SYT14: variants seen among roughly 807,000 people sequenced by gnomAD.
SYT14 encodes synaptotagmin-14.
SYT14 carries 32 observed loss-of-function variants against 74.2 expected under a neutral mutation model. The ratio of observed to expected loss-of-function variants is 0.43; its 90% CI spans 0.33 to 0.58. The LOEUF is 0.58. SYT14 is among the 20% of genes least tolerant of loss of function. SYT14 has a pLI of 0.05. For synonymous variants in SYT14, 298 were observed against 337.7 expected (o/e 0.88, Z 1.29); for missense variants, 791 against 981.8 (o/e 0.81, Z 2.60).
chr1:210,018,157 CAG>C (rs2080225178), intron 4 of SYT14, among the ~76,000 whole-genome samples: 3 of 152,140 alleles, frequency 2.0e-5, no homozygotes, highest in Admixed American at 2.0e-4. Context: ...TGTTTTGAGA[CAG>C]AGTCTTGCGC....
intron 4 of SYT14, 41 bp from the exon 4 acceptor site, chr1:210,020,998 T>TC (rs2080289804): frequency 6.3e-7 from 1 of 1,590,818 alleles, no homozygotes; most frequent in Admixed American, 1.7e-5. Flanking sequence ...GAGGGAATTT[T>TC]TTTTTCAATT....
intron 2 of SYT14, among the ~76,000 whole-genome samples, chr1:209,965,439 T>A (rs1026752563): frequency 6.6e-6 from 1 of 152,230 alleles, no homozygotes; most frequent in Non-Finnish European, 1.5e-5. Flanking sequence ...ATGTACCACG[T>A]TTTCTTTATC....
chr1:209,943,138 T>C (rs2078763544), intron 1 of SYT14, among the ~76,000 whole-genome samples: 1 of 152,210 alleles, frequency 6.6e-6, no homozygotes, highest in Non-Finnish European at 1.5e-5. Flanking sequence ...TAATTTACAG[T>C]TTATTCAAGG....
At chr1:210,147,708 G>A (rs2083069967) in intron 7 of SYT14, among the ~76,000 whole-genome samples, 2 of 152,124 alleles carry the variant, frequency 1.3e-5, no homozygotes, top group South Asian at 4.1e-4. Flanking sequence ...ATAAGTATAG[G>A]GTATGTGAGA....
In SYT14 at chr1:210,021,934, C is replaced by A. The variant is rs777132712; in HGVS notation, c.1312+680C>A. Among the ~76,000 whole-genome samples the A allele has an allele frequency of 2.0e-5, 3 of 152,120 alleles. No homozygotes were observed. In the East Asian group the frequency reaches 5.8e-4, roughly 29 times the overall value. The stretch of plus-strand genomic sequence containing the variant: ...GTCAGTCCACTTATTCATGTTTTTA[C>A]GTCTTTCTGTGACATAAATAAGACA... On this transcript the variant is annotated intron_variant, in intron 5 of 9. Transcript: ENST00000637265.
intron 2 of SYT14, among the ~76,000 whole-genome samples, chr1:210,012,081 C>T (rs1298658366): frequency 2.6e-5 from 4 of 152,098 alleles, no homozygotes; most frequent in Admixed American, 6.5e-5. Context: ...GAATTTCATT[C>T]AGTTTCTGGA....
At chr1:210,108,786 G>A (rs889190639) in intron 7 of SYT14, among the ~76,000 whole-genome samples, 1 of 152,184 alleles carries the variant, frequency 6.6e-6, no homozygotes, top group South Asian at 2.1e-4. Context: ...TTATGGGCAG[G>A]AGAAGTAGAA....
intron 5 of SYT14, among the ~76,000 whole-genome samples, chr1:210,022,377 A>G (rs2080322424): frequency 6.6e-6 from 1 of 152,250 alleles, no homozygotes; most frequent in Non-Finnish European, 1.5e-5. Context: ...AGTAAAAAAT[A>G]TCTGACAGGT....
At chr1:210,133,283 C>T (rs1300735938) in intron 7 of SYT14, among the ~76,000 whole-genome samples, 3 of 152,182 alleles carry the variant, frequency 2.0e-5, no homozygotes, top group Non-Finnish European at 4.4e-5. Flanking sequence ...CTGTATTCCA[C>T]TGGGATATAG....
intron 5 of SYT14, among the ~76,000 whole-genome samples, chr1:210,086,124 T>C (rs926853064): frequency 3.9e-5 from 6 of 152,274 alleles, no homozygotes; most frequent in East Asian, 1.9e-4. Context: ...GGAGTTATTT[T>C]ATAGAGGTAT....
In SYT14 at chr1:209,992,575, T is replaced by C. The variant is rs182478652; in HGVS notation, c.-485-21058T>C. Among the ~76,000 whole-genome samples, 32 of 152,274 alleles carry C rather than the reference T, an allele frequency of 2.1e-4. No homozygotes were observed. The East Asian group carries it at 5.6e-3, about 27-fold the overall frequency. On this transcript the variant is annotated intron_variant, in intron 2 of 9. Coordinates refer to ENST00000637265, the Ensembl canonical transcript of SYT14. ...GGATGAGGGATGGGAAATTACTTAA[T>C]GGGTACAGTGTATACTTATTCTGGT...
chr1:209,996,603 T>G (rs2079802854), intron 2 of SYT14, among the ~76,000 whole-genome samples: 1 of 151,774 alleles, frequency 6.6e-6, no homozygotes, highest in Non-Finnish European at 1.5e-5. Context: ...CCTAACTCAT[T>G]CTACAAAGCC....
At chr1:209,984,600 A>G (rs866496887) in intron 2 of SYT14, among the ~76,000 whole-genome samples, 1 of 152,082 alleles carries the variant, frequency 6.6e-6, no homozygotes, top group Non-Finnish European at 1.5e-5. Flanking sequence ...ATTCTGTCTG[A>G]AGAACTTTAA....
At chr1:210,118,735 G>A (rs945273489) in intron 7 of SYT14, among the ~76,000 whole-genome samples, 1 of 151,870 alleles carries the variant, frequency 6.6e-6, no homozygotes, top group Non-Finnish European at 1.5e-5. Context: ...TGCCTCTGCT[G>A]ATTGTTTTAT....
chr1:210,059,698 G>A (rs2081173325), intron 5 of SYT14, among the ~76,000 whole-genome samples: 1 of 151,960 alleles, frequency 6.6e-6, no homozygotes, highest in Admixed American at 6.6e-5. Flanking sequence ...ACTCTTCTCT[G>A]ACCTCAGGCC....
intron 2 of SYT14, chr1:209,965,877 C>CTTTT: frequency 2.5e-6 from 1 of 405,358 alleles, no homozygotes; most frequent in Non-Finnish European, 4.9e-6. Flanking sequence ...TTTTGAACTT[C>CTTTT]TTTTTTTTTT....
intron 5 of SYT14, among the ~76,000 whole-genome samples, chr1:210,054,958 G>A (rs560699636): frequency 8.5e-5 from 13 of 152,290 alleles, no homozygotes; most frequent in African/African-American, 3.1e-4. Flanking sequence ...AGAGGACACA[G>A]TTTGGGGTGG....
chr1:209,963,022 C>T (rs1312943887), intron 2 of SYT14, among the ~76,000 whole-genome samples: 2 of 152,118 alleles, frequency 1.3e-5, no homozygotes, highest in African/African-American at 4.8e-5. Flanking sequence ...CCTAACCCTT[C>T]TGCATTATTC....
chr1:210,040,501 C>T (rs573213489), intron 5 of SYT14, among the ~76,000 whole-genome samples: 1 of 150,954 alleles, frequency 6.6e-6, no homozygotes, highest in Non-Finnish European at 1.5e-5. Context: ...TAACCCAGAA[C>T]TTAAAGTGTA....
Sources: allele counts gnomAD v4.1 joint callset (sites outside exome capture counted in the v4.1 genomes callset), GRCh38; gene constraint gnomAD v4.1.1; transcripts MANE v1.5; gene names NCBI Gene and HGNC (gene_info 2026-07-23, HGNC 2026-07-21).